Variants in SAAL1 observed in about 807,000 individuals in gnomAD.
SAAL1 encodes serum amyloid A like 1, also known as protein SAAL1.
Under a neutral mutation model 59.8 loss-of-function variants are expected in SAAL1, and 42 were observed. The observed-to-expected ratio is 0.70, with a 90% confidence interval of 0.55 to 0.91. The LOEUF (loss-of-function observed/expected upper bound fraction) is 0.91, where lower values mean the gene tolerates loss of function less well. Ranked by LOEUF, SAAL1 falls within the 40% of genes least tolerant of loss-of-function variation. SAAL1 has a pLI of 0.00. For synonymous variants in SAAL1, 191 were observed against 194.3 expected (o/e 0.98, Z 0.14); for missense variants, 542 against 561.1 (o/e 0.97, Z 0.34).
rs201228464 is a variant in SAAL1 at position 18,089,394 on chromosome 11, C to A, written c.706G>T (p.Glu236Ter). ...AAQPLDQPQEESEEQPVFRLV... is the reference protein window; with the variant it reads ...AAQPLDQPQE ...CGAAACACTGGCTGCTCTTCAGACT[C>A]TTCCTGGGGTTGGTCCAGAGGCTGA... Residue 236 changes from glutamate to a stop codon, truncating the protein, a stop_gained, in exon 7 of 12, where the codon GAG becomes TAG. Coordinates refer to ENST00000524803, the MANE Select transcript of SAAL1 (RefSeq NM_138421.3). LOFTEE classifies it high-confidence loss of function. 4.8e-5 allele frequency: 78 copies of A among 1,608,314 alleles called. No individual in the cohort carries two copies. The highest frequency in any genetic ancestry group is 6.2e-5 in the Non-Finnish European group (73 of 1,178,220).
chr11:18,086,135 G>T (rs1848461499), intron 9 of SAAL1, among the ~76,000 whole-genome samples: 1 of 152,182 alleles, frequency 6.6e-6, no homozygotes, highest in Non-Finnish European at 1.5e-5. Context: ...AGGGTGCAGT[G>T]GCTCATGCCT....
intron 1 of SAAL1, among the ~76,000 whole-genome samples, chr11:18,104,657 TGAA>T (rs1405975683): frequency 2.6e-5 from 4 of 152,274 alleles, no homozygotes; most frequent in East Asian, 1.9e-4. Context: ...GTTTGTCATG[TGAA>T]GAAGGAGAGA....
intron 9 of SAAL1, 64 bp from the exon 10 acceptor site, chr11:18,083,795 T>C (rs1045676793): frequency 1.9e-6 from 2 of 1,032,982 alleles, no homozygotes; most frequent in South Asian, 1.8e-5. Context: ...TTCATATGTA[T>C]TGAATTAGTG....
chr11:18,090,132 T>C lies in SAAL1; in HGVS notation c.589+43A>G, dbSNP rs200499369. 117 of 1,488,702 alleles carry C rather than the reference T, an allele frequency of 7.9e-5. 1 individual carries two copies. Among genetic ancestry groups the C allele is most frequent in the Admixed American group, 7.0e-4 (29 of 41,592 alleles). 92.2% of individuals were successfully genotyped at this position (1,488,702 alleles called of 1,614,324 possible). ...GTTACATGGTTTCCTAAAAATTAGA[T>C]ACAATTTAAAACATTTTTTTTCTAG... is the stretch of plus-strand genomic sequence containing the variant. On this transcript the variant is annotated intron_variant, in intron 6 of 11. Transcript: ENST00000524803.
rs111770888 is a variant in SAAL1 at position 18,081,522 on chromosome 11, T to A, written c.1240-19A>T. The A allele has an allele frequency of 1.2e-6, 2 of 1,607,970 alleles. No homozygotes were observed. Among genetic ancestry groups the A allele is most frequent in the African/African-American group, 2.7e-5 (2 of 74,648 alleles). On this transcript the variant is annotated intron_variant, in intron 10 of 11. Transcript: ENST00000524803. ...CCGTCTCCTAAAACAACAACAAGAT[T>A]TAATGTCAAAAAAGGAAAATTTTTC... is the stretch of plus-strand genomic sequence containing the variant.
chr11:18,081,417 G>A lies in SAAL1; in HGVS notation c.1326C>T (p.Ser442=). 1.2e-6 allele frequency: 2 copies of A among 1,612,626 alleles called. No individual in the cohort carries two copies. Among genetic ancestry groups the A allele is most frequent in the South Asian group, 2.2e-5 (2 of 91,006 alleles). The change falls in exon 11 of 12, where the codon AGC becomes AGT. Residue 442 remains serine, a synonymous_variant. Transcript: ENST00000524803. ...SAFQNLLPFY[S]PVVEDFIKIL... is the part of the protein sequence containing the mutation. ...TACATTTACCCATACTCACCACAGG[G>A]CTATAGAAAGGAAGAAGGTTTTGAA...
At position 18,087,050 on chromosome 11, in the gene SAAL1, A is replaced by G. The variant is rs763054259; in HGVS notation, c.858T>C (p.His286=). 6.2e-7 allele frequency: 1 copy of G among 1,613,020 alleles called. No homozygotes were observed. Among genetic ancestry groups the G allele is most frequent in the Non-Finnish European group, 8.5e-7 (1 of 1,179,042 alleles). ...TVDDGIQAIV[H]CPDTGKDIWN... is the part of the protein sequence containing the mutation. ...AAATGTCTTTTCCAGTGTCAGGACA[A>G]TGTACTTAATAAAGAGGACAAATAA... The change falls in exon 9 of 12, where the codon CAT becomes CAC. Residue 286 remains histidine, a synonymous_variant. Transcript: ENST00000524803.
rs1250247467 is a variant in SAAL1, at chr11:18,083,687, T to C, written c.1087A>G (p.Met363Val). 4 of 1,611,436 alleles carry C rather than the reference T, an allele frequency of 2.5e-6. No homozygotes were observed. The highest frequency in any genetic ancestry group is 1.3e-5 in the African/African-American group (1 of 74,870). Reference sequence around the variant, plus strand: ...TCTGGTTTTTTCTGACACTGTTCCATATTTTGTAAGACCCGAATGAGGCTG... The same window carrying C: ...TCTGGTTTTTTCTGACACTGTTCCACATTTTGTAAGACCCGAATGAGGCTG... Reference protein sequence around the residue: ...IDSLIRVLQNMEQCQKKPENS... With the variant: ...IDSLIRVLQNVEQCQKKPENS... Residue 363 changes from methionine to valine, a missense_variant, in exon 10 of 12, where the codon ATG becomes GTG. Met to Val is a conservative substitution (Grantham distance 21). Transcript: ENST00000524803.
intron 10 of SAAL1, among the ~76,000 whole-genome samples, chr11:18,082,991 T>C (rs1848426263): frequency 6.6e-6 from 1 of 152,222 alleles, no homozygotes; most frequent in African/African-American, 2.4e-5. Flanking sequence ...CACAGCTATA[T>C]TTATAACATT....
intron 9 of SAAL1, 62 bp from the exon 10 acceptor site, chr11:18,083,793 T>A: frequency 9.2e-7 from 1 of 1,084,638 alleles, no homozygotes; most frequent in Non-Finnish European, 1.3e-6. Context: ...CATTCATATG[T>A]ATTGAATTAG....
chr11:18,087,352 G>A, intron 7 of SAAL1, 127 bp from the exon 8 acceptor site: 1 of 594,008 alleles, frequency 1.7e-6, no homozygotes. Flanking sequence ...ATAAAACAAG[G>A]AAAGGAACGA....
At position 18,089,446 on chromosome 11, in the gene SAAL1, C is replaced by T; in HGVS notation, c.654G>A (p.Met218Ile). 2 of 1,612,988 alleles carry T rather than the reference C, an allele frequency of 1.2e-6. No individual in the cohort carries two copies. The highest frequency in any genetic ancestry group is 1.7e-6 in the Non-Finnish European group (2 of 1,179,640). ...CAGCCCCATTTCTGACCCATTCTAA[C>T]ATTAGTTTCTCATCCAAATCAAAGA... ...DKLFDLDEKLMLEWVRNGAAQ... is the reference protein window; with the variant it reads ...DKLFDLDEKLILEWVRNGAAQ... The change falls in exon 7 of 12, where the codon ATG (methionine) becomes ATA (isoleucine). Residue 218 changes from methionine to isoleucine, a missense_variant. By Grantham distance (10) the Met-to-Ile change is conservative (BLOSUM62 1). Transcript: ENST00000524803.
intron 2 of SAAL1, among the ~76,000 whole-genome samples, chr11:18,103,010 A>G (rs1403664628): frequency 6.6e-6 from 1 of 152,198 alleles, no homozygotes; most frequent in African/African-American, 2.4e-5. Context: ...CATAAGAGCT[A>G]CGTATTTAGT....
chr11:18,081,358 C>T, intron 11 of SAAL1, 53 bp downstream of exon 11: 1 of 1,261,430 alleles, frequency 7.9e-7, no homozygotes, highest in Non-Finnish European at 1.1e-6. Context: ...TACTTGAAAA[C>T]ATTTAGTAAT....
rs1222499873 is a variant in SAAL1 at position 18,096,851 on chromosome 11, C to T, written c.253G>A (p.Val85Met). 5 of 1,547,694 alleles carry T rather than the reference C, an allele frequency of 3.2e-6. No individual in the cohort carries two copies. Among genetic ancestry groups the T allele is most frequent in the East Asian group, 4.5e-5 (2 of 44,440 alleles). ...RVWDMSMDED[V>M]ALFLQEFNAP... is the part of the protein sequence containing the mutation. ...TTAAATTCTTGGAGAAATAAAGCCACGTCCTGAAAAGAAAAATGATTATTA... is the reference window on the plus strand; with the variant it reads ...TTAAATTCTTGGAGAAATAAAGCCATGTCCTGAAAAGAAAAATGATTATTA... Residue 85 changes from valine (V) to methionine (M), a missense_variant, in exon 3 of 12, where the codon GTG becomes ATG. Transcript: ENST00000524803.
chr11:18,102,511 T>C (rs937678385), intron 2 of SAAL1, among the ~76,000 whole-genome samples: 2 of 152,160 alleles, frequency 1.3e-5, no homozygotes, highest in Non-Finnish European at 2.9e-5. Flanking sequence ...TGAATAGCCA[T>C]TGACAATTTT....
At chr11:18,098,969 T>C (rs12294948) in intron 2 of SAAL1, among the ~76,000 whole-genome samples, 3,475 of 152,284 alleles carry the variant, frequency 0.023, 151 homozygotes, top group African/African-American at 0.081. Context: ...CTCTATCAAC[T>C]AGTTATCATT....
At position 18,081,435 on chromosome 11, in the gene SAAL1, G is replaced by A; in HGVS notation, c.1308C>T (p.Asn436=). The change falls in exon 11 of 12, where the codon AAC becomes AAT. Residue 436 remains asparagine, a synonymous_variant. Coordinates refer to ENST00000524803, the MANE Select transcript of SAAL1 (RefSeq NM_138421.3). ...SKQKCSSAFQ[N]LLPFYSPVVE... ...CCACAGGGCTATAGAAAGGAAGAAG[G>A]TTTTGAAATGCAGAGGAACACTTCT... 1.2e-6 allele frequency: 2 copies of A among 1,613,904 alleles called. No individual in the cohort carries two copies. Among genetic ancestry groups the A allele is most frequent in the Non-Finnish European group, 1.7e-6 (2 of 1,179,832 alleles).
chr11:18,084,198 C>G (rs1180587263), intron 9 of SAAL1, among the ~76,000 whole-genome samples: 4 of 152,172 alleles, frequency 2.6e-5, no homozygotes, highest in Non-Finnish European at 4.4e-5. Flanking sequence ...AATTAGCTCA[C>G]AGGATTTTTC....
Sources: allele counts gnomAD v4.1 joint callset (sites outside exome capture counted in the v4.1 genomes callset), GRCh38; gene constraint gnomAD v4.1.1; transcripts MANE v1.5; gene names NCBI Gene and HGNC (gene_info 2026-07-23, HGNC 2026-07-21).